CUX2: variants seen among roughly 807,000 people sequenced by gnomAD.
CUX2 encodes the protein homeobox protein cut-like 2.
CUX2 carries 40 observed loss-of-function variants against 144.8 expected under a neutral mutation model. The observed-to-expected ratio is 0.28, with a 90% CI of 0.21 to 0.36. The LOEUF is 0.36. CUX2 is among the 10% of genes least tolerant of loss of function. CUX2 has a pLI of 1.00. For synonymous variants in CUX2, 827 were observed against 875.6 expected, an observed-to-expected ratio of 0.94 and a Z score of 0.98; for missense variants, 1,615 against 1,994.0, an observed-to-expected ratio of 0.81 and a Z score of 3.62.
At chr12:111,339,922 G>T (rs939509558) in intron 20 of CUX2, among the ~76,000 whole-genome samples, 1 of 152,238 alleles carries the variant, frequency 6.6e-6, no homozygotes, top group Non-Finnish European at 1.5e-5. Context: ...CTGGCTCAAT[G>T]TGGTGGCTCA....
intron 1 of CUX2, among the ~76,000 whole-genome samples, chr12:111,086,384 A>G (rs747725525): frequency 1.3e-5 from 2 of 152,220 alleles, no homozygotes; most frequent in Non-Finnish European, 2.9e-5. Flanking sequence ...GGTTTGGCTG[A>G]CCTGATTATT....
rs1248659608 is a variant in CUX2 at position 111,035,076 on chromosome 12, C to T, written c.63+836C>T. Among the ~76,000 whole-genome samples the T allele has an allele frequency of 1.3e-5, 2 of 152,110 alleles. No homozygotes were observed. Among genetic ancestry groups the T allele is most frequent in the African/African-American group, 2.4e-5 (1 of 41,420 alleles). On this transcript the variant is annotated intron_variant, in intron 1 of 21. Coordinates refer to ENST00000261726, the MANE Select transcript of CUX2 (RefSeq NM_015267.4). This position sits in a 1 kb window ranked among gnomAD's most constrained non-coding sequence, Gnocchi z 6.0. Reference sequence around the variant, plus strand: ...TCCTGCCTCCAGGGCGGTGGAGAGCCGGGAGCGGCGCAGAGCAGGTGACTC... The same window carrying T: ...TCCTGCCTCCAGGGCGGTGGAGAGCTGGGAGCGGCGCAGAGCAGGTGACTC...
At chr12:111,238,723 C>T (rs1193384208) in intron 3 of CUX2, among the ~76,000 whole-genome samples, 1 of 152,148 alleles carries the variant, frequency 6.6e-6, no homozygotes, top group African/African-American at 2.4e-5. Context: ...CACATACACA[C>T]ACACACATGA....
chr12:111,317,305 G>C, intron 16 of CUX2, among the ~76,000 whole-genome samples: 1 of 152,138 alleles, frequency 6.6e-6, no homozygotes, highest in South Asian at 2.1e-4. Context: ...TCATTCCTCA[G>C]GGCACAGATC....
intron 1 of CUX2, among the ~76,000 whole-genome samples, chr12:111,144,436 C>G (rs1158694158): frequency 6.6e-6 from 1 of 152,202 alleles, no homozygotes; most frequent in African/African-American, 2.4e-5. Flanking sequence ...ACTAGGCTGC[C>G]TTTTCCCAGC....
At chr12:111,161,798 G>A (rs998496620) in intron 1 of CUX2, among the ~76,000 whole-genome samples, 9 of 152,152 alleles carry the variant, frequency 5.9e-5, no homozygotes, top group Non-Finnish European at 1.2e-4. Flanking sequence ...GCAGTGGCAC[G>A]ATCACAGCTC....
chr12:111,158,975 A>G (rs1044295802), intron 1 of CUX2, among the ~76,000 whole-genome samples: 2 of 152,300 alleles, frequency 1.3e-5, no homozygotes, highest in East Asian at 3.9e-4. Context: ...TCGTGAACAC[A>G]GAGGGGCGCA....
At chr12:111,148,486 C>G (rs1876838841) in intron 1 of CUX2, among the ~76,000 whole-genome samples, 1 of 152,104 alleles carries the variant, frequency 6.6e-6, no homozygotes, top group Non-Finnish European at 1.5e-5. Flanking sequence ...TATTTAATGC[C>G]ACAGAACTGT....
intron 1 of CUX2, among the ~76,000 whole-genome samples, chr12:111,112,109 C>T (rs1008588022): frequency 1.3e-5 from 2 of 152,092 alleles, no homozygotes; most frequent in African/African-American, 4.8e-5. Flanking sequence ...GGTGAGGGAT[C>T]GAGGTCTGTG....
chr12:111,203,280 C>T (rs1880720482), intron 1 of CUX2, among the ~76,000 whole-genome samples: 1 of 149,976 alleles, frequency 6.7e-6, no homozygotes, highest in Non-Finnish European at 1.5e-5. Context: ...TGCAGTAGTG[C>T]ACTCCTGTAA....
At position 111,310,388 on chromosome 12, in the gene CUX2, G is replaced by A. The variant is rs200889290; in HGVS notation, c.1606G>A (p.Ala536Thr). The A allele has an allele frequency of 2.3e-4, 371 of 1,605,288 alleles. 1 individual carries two copies. Among genetic ancestry groups the A allele is most frequent in the Non-Finnish European group, 2.9e-4 (343 of 1,175,086 alleles). The change falls in exon 15 of 22, where the codon GCG becomes ACG. Residue 536 changes from alanine (A) to threonine (T), a missense_variant. Around this residue, in one of 12 missense-constraint regions of CUX2, gnomAD observed 154 missense variants for 148.4 expected, o/e 1.04. Coordinates refer to ENST00000261726, the MANE Select transcript of CUX2 (RefSeq NM_015267.4). The surrounding 1 kb of genome is among the most constrained non-coding windows in gnomAD (Gnocchi z 7.9). ...GPEPLGGPEP[A>T]DGGGGGAAGP... is the part of the protein sequence containing the mutation. The stretch of plus-strand genomic sequence containing the variant: ...TGAGCCACTGGGCGGTCCTGAGCCC[G>A]CGGATGGTGGTGGGGGCGGAGCGGC...
At chr12:111,145,873 T>A (rs1316579790) in intron 1 of CUX2, among the ~76,000 whole-genome samples, 1 of 152,076 alleles carries the variant, frequency 6.6e-6, no homozygotes, top group Non-Finnish European at 1.5e-5. Context: ...TGTTTTGTTT[T>A]GTTTTGTATT....
chr12:111,180,155 T>C (rs1257856643), intron 1 of CUX2, among the ~76,000 whole-genome samples: 1 of 145,142 alleles, frequency 6.9e-6, no homozygotes, highest in African/African-American at 2.5e-5. Context: ...CTCCTCACCT[T>C]GGACAACAAG....
At chr12:111,146,531 G>A (rs1236319956) in intron 1 of CUX2, among the ~76,000 whole-genome samples, 1 of 152,216 alleles carries the variant, frequency 6.6e-6, no homozygotes, top group East Asian at 1.9e-4. Flanking sequence ...AGTGGGGAAA[G>A]GGGTTGGGAT....
intron 3 of CUX2, among the ~76,000 whole-genome samples, chr12:111,235,531 A>G (rs1230152148): frequency 2.0e-5 from 3 of 151,920 alleles, no homozygotes; most frequent in African/African-American, 7.3e-5. Flanking sequence ...GACCAGCCTG[A>G]TCAACATGGT....
At position 111,334,426 on chromosome 12, in the gene CUX2, C is replaced by G. The variant is rs1888249968; in HGVS notation, c.2927-15C>G. 1.3e-6 allele frequency: 2 copies of G among 1,560,768 alleles called. No individual in the cohort carries two copies. The highest frequency in any genetic ancestry group is 1.7e-6 in the Non-Finnish European group (2 of 1,155,344). On this transcript the variant is annotated splice_polypyrimidine_tract_variant and intron_variant, in intron 18 of 21. Coordinates refer to ENST00000261726, the MANE Select transcript of CUX2 (RefSeq NM_015267.4). The stretch of plus-strand genomic sequence containing the variant: ...AGATTATAGTAACCACCTTCTCTTT[C>G]TCTGTGGCCCACAGCCAGTCCCACA...
intron 1 of CUX2, among the ~76,000 whole-genome samples, chr12:111,109,229 CT>C (rs1566227279): frequency 6.6e-6 from 1 of 152,180 alleles, no homozygotes; most frequent in African/African-American, 2.4e-5. Context: ...GAAACCGCCC[CT>C]CATCAATTAT....
chr12:111,129,641 G>A (rs561650747), intron 1 of CUX2, among the ~76,000 whole-genome samples: 1 of 152,342 alleles, frequency 6.6e-6, no homozygotes, highest in South Asian at 2.1e-4. Context: ...GGGATGTGGT[G>A]GCAGTCACCA....
intron 21 of CUX2, among the ~76,000 whole-genome samples, chr12:111,343,005 A>G (rs1334074813): frequency 6.7e-6 from 1 of 148,226 alleles, no homozygotes; most frequent in Admixed American, 6.8e-5. Context: ...TGTGGTGGGT[A>G]TTGATATGAT....
Sources: allele counts gnomAD v4.1 joint callset (sites outside exome capture counted in the v4.1 genomes callset), GRCh38; gene constraint gnomAD v4.1.1; regional missense constraint gnomAD v4.1.1; non-coding constraint Gnocchi (gnomAD v3.1); transcripts MANE v1.5; gene names NCBI Gene and HGNC (gene_info 2026-07-23, HGNC 2026-07-21).